The following PNISR variants were observed in gnomAD, a reference collection of about 807,000 sequenced individuals.
The protein encoded by PNISR is arginine/serine-rich protein PNISR.
A neutral mutation model predicts 93.4 loss-of-function variants in PNISR; 20 were observed. That is an observed-to-expected ratio of 0.21 (90% CI 0.15 to 0.31). The LOEUF (loss-of-function observed/expected upper bound fraction) is 0.31. Ranked by LOEUF, PNISR falls within the 10% of genes least tolerant of loss-of-function variation. The pLI, the probability that PNISR is intolerant of heterozygous loss-of-function variation, is 1.00. For missense variants in PNISR, 893 were observed against 985.4 expected, an observed-to-expected ratio of 0.91 and a Z score of 1.25; for synonymous variants, 305 against 306.5, an observed-to-expected ratio of 0.99 and a Z score of 0.05.
intron 1 of PNISR, among the ~76,000 whole-genome samples, chr6:99,424,410 T>TA (rs1779143290): frequency 7.2e-6 from 1 of 138,476 alleles, no homozygotes; most frequent in Admixed American, 7.2e-5. Context: ...TATTAGTAAG[T>TA]TAAAAAAAAA....
chr6:99,401,513 T>C lies in PNISR; in HGVS notation c.1445A>G (p.Lys482Arg). 6.2e-7 allele frequency: 1 copy of C among 1,613,232 alleles called. No individual in the cohort carries two copies. The highest frequency in any genetic ancestry group is 1.1e-5 in the South Asian group (1 of 90,928). ...READGDVVNE[K>R]KRTPNETTSV... is the part of the protein sequence containing the mutation. ...TGTGGTTTCATTTGGAGTTCTCTTC[T>C]TTTCATTAACCACATCACCGTCTGC... The change falls in exon 12 of 12, where the codon AAG becomes AGG. Residue 482 changes from lysine to arginine, a missense_variant. Around this residue, in one of 3 missense-constraint regions of PNISR, gnomAD observed 866 missense variants for 935.1 expected, o/e 0.93. Coordinates refer to ENST00000369239, the MANE Select transcript of PNISR (RefSeq NM_032870.4).
At chr6:99,401,660 A>G in intron 11 of PNISR, 30 bp from the exon 12 acceptor site, 1 of 1,478,766 alleles carries the variant, frequency 6.8e-7, no homozygotes, top group Non-Finnish European at 8.9e-7. Context: ...AAACACTAAG[A>G]AAATGTTCAT....
At chr6:99,403,978 G>T in intron 9 of PNISR, 96 bp from the exon 10 acceptor site, 1 of 781,370 alleles carries the variant, frequency 1.3e-6, no homozygotes, top group Non-Finnish European at 2.2e-6. Flanking sequence ...TACTACTATT[G>T]CTGCTTTTTG....
intron 1 of PNISR, among the ~76,000 whole-genome samples, chr6:99,422,914 A>G (rs1300232163): frequency 6.8e-6 from 1 of 146,658 alleles, no homozygotes; most frequent in Non-Finnish European, 1.5e-5. Context: ...AGAATTGGAG[A>G]GTCGGTTATA....
intron 1 of PNISR, among the ~76,000 whole-genome samples, chr6:99,416,766 A>T (rs985098338): frequency 5.3e-5 from 8 of 152,346 alleles, no homozygotes; most frequent in African/African-American, 1.7e-4. Flanking sequence ...TTATTAACTT[A>T]GATGATACAA....
chr6:99,406,603 C>G (rs779636652), intron 7 of PNISR, among the ~76,000 whole-genome samples: 4 of 152,184 alleles, frequency 2.6e-5, no homozygotes, highest in African/African-American at 9.6e-5. Context: ...TAAAGTTGCA[C>G]GACTTAAAAT....
chr6:99,419,152 C>CAAGAAAAA (rs1778163501), intron 1 of PNISR, among the ~76,000 whole-genome samples: 1 of 19,804 alleles, frequency 5.0e-5, no homozygotes, highest in Non-Finnish European at 9.6e-5. Flanking sequence ...GACTCCGTCT[C>CAAGAAAAA]AAAAAAAAAA....
At position 99,413,391 on chromosome 6, in the gene PNISR, T is replaced by C. The variant is rs539730634; in HGVS notation, c.89-652A>G. On this transcript the variant is annotated intron_variant, in intron 3 of 11. Transcript: ENST00000369239. ...TTTAATTTCTAAATTTTTACGTATC[T>C]ATCCATCCATCCATCCATCCATCCA... is the stretch of plus-strand genomic sequence containing the variant. Among the ~76,000 whole-genome samples the C allele has an allele frequency of 2.5e-3, 378 of 149,612 alleles. 2 individuals carry two copies. The highest frequency in any genetic ancestry group is 4.8e-3 in the Non-Finnish European group (325 of 67,392).
chr6:99,404,923 C>T (rs867160941), intron 8 of PNISR, among the ~76,000 whole-genome samples: 10 of 151,836 alleles, frequency 6.6e-5, no homozygotes, highest in Non-Finnish European at 1.0e-4. Context: ...GAACTACAGG[C>T]GTGCACCACC....
Position 99,414,707 on chromosome 6 carries a change from A to G in PNISR, c.-31-17T>C, listed in dbSNP as rs369367721. On this transcript the variant is annotated splice_polypyrimidine_tract_variant and intron_variant, in intron 2 of 11. Transcript: ENST00000369239. Reference sequence around the variant, plus strand: ...ATTTTCTATCTTCAATAAATTAAACATAGTTTAAAAATTATAGTGAGTTAT... The same window carrying G: ...ATTTTCTATCTTCAATAAATTAAACGTAGTTTAAAAATTATAGTGAGTTAT... 8.7e-7 allele frequency: 1 copy of G among 1,154,426 alleles called. No individual in the cohort carries two copies. The highest frequency in any genetic ancestry group is 1.6e-5 in the African/African-American group (1 of 63,632). The allele number at this position is 1,154,426 out of a possible 1,614,324, so 71.5% of individuals were successfully genotyped here. A position where few individuals can be genotyped will look rare whatever the true frequency, so the allele number is the denominator to read the frequency against.
rs754280481 is a variant in PNISR at position 99,408,236 on chromosome 6, G to A, written c.709C>T (p.Arg237Cys). 2.5e-6 allele frequency: 4 copies of A among 1,612,600 alleles called. No individual in the cohort carries two copies. Among genetic ancestry groups the A allele is most frequent in the African/African-American group, 1.3e-5 (1 of 74,722 alleles). ...CGTTCCATTTTTTCAAGACCTTCGC[G>A]AATCCAAGCGGGAAGAGTCCTGCGT... is the stretch of plus-strand genomic sequence containing the variant. ...VKRRTLPAWI[R>C]EGLEKMEREK... The change falls in exon 7 of 12, where the codon CGC (arginine) becomes TGC (cysteine). Residue 237 changes from arginine to cysteine, a missense_variant. Coordinates refer to ENST00000369239, the MANE Select transcript of PNISR (RefSeq NM_032870.4).
chr6:99,425,122 G>A, intron 1 of PNISR, 93 bp downstream of exon 1: 2 of 814,846 alleles, frequency 2.5e-6, no homozygotes, highest in Admixed American at 8.6e-5. Flanking sequence ...AGCGTACGCA[G>A]CCTATTTTAA....
chr6:99,422,046 TAGTAGGG>T (rs1778637839), intron 1 of PNISR, among the ~76,000 whole-genome samples: 2 of 152,078 alleles, frequency 1.3e-5, no homozygotes, highest in Admixed American at 1.3e-4. Context: ...TTGTATTTTT[TAGTAGGG>T]ATGGAGTTTC....
At chr6:99,402,758 C>A in intron 10 of PNISR, 48 bp from the exon 11 acceptor site, 3 of 1,378,822 alleles carry the variant, frequency 2.2e-6, no homozygotes, top group Non-Finnish European at 2.9e-6. Context: ...TTATACTATG[C>A]ACTAAAAACT....
intron 1 of PNISR, among the ~76,000 whole-genome samples, chr6:99,417,793 C>G (rs1027242863): frequency 7.3e-5 from 11 of 151,686 alleles, no homozygotes. Flanking sequence ...TGGTGAAACC[C>G]CCGTCTCTAC....
In PNISR at chr6:99,414,677, A is replaced by G; in HGVS notation, c.-18T>C. The G allele has an allele frequency of 6.6e-7, 1 of 1,523,930 alleles. No homozygotes were observed. The highest frequency in any genetic ancestry group is 9.0e-7 in the Non-Finnish European group (1 of 1,110,678). 94.4% of individuals were successfully genotyped at this position (1,523,930 alleles called of 1,614,324 possible). On this transcript the variant is annotated 5_prime_UTR_variant, in exon 3 of 12. Transcript: ENST00000369239. ...TCCCACATCCCTTCTTTTAAAATAT[A>G]CTTGATTTTCTATCTTCAATAAATT... is the stretch of plus-strand genomic sequence containing the variant.
At position 99,416,379 on chromosome 6, in the gene PNISR, G is replaced by T; in HGVS notation, c.-62C>A. On this transcript the variant is annotated 5_prime_UTR_variant, in exon 2 of 12. Transcript: ENST00000369239. ...AGGTTCACCTTCTGTTTAAAACTTA[G>T]GTTGATTCAGACTACAGCTTCGAAG... The T allele has an allele frequency of 8.2e-7, 1 of 1,219,106 alleles. No homozygotes were observed. The highest frequency in any genetic ancestry group is 1.0e-6 in the Non-Finnish European group (1 of 976,622). The allele number at this position is 1,219,106 out of a possible 1,614,324, so 75.5% of individuals were successfully genotyped here.
chr6:99,420,869 C>T (rs925517164), intron 1 of PNISR, among the ~76,000 whole-genome samples: 37 of 152,188 alleles, frequency 2.4e-4, no homozygotes, highest in African/African-American at 8.7e-4. Flanking sequence ...TGTCTTGGCT[C>T]AAACAAAAAT....
At chr6:99,406,698 TAA>T (rs1562236295) in intron 7 of PNISR, among the ~76,000 whole-genome samples, 1 of 152,138 alleles carries the variant, frequency 6.6e-6, no homozygotes, top group South Asian at 2.1e-4. Context: ...TAGCTCATAA[TAA>T]AAAGATAAAA....
Sources: gnomAD v4.1 joint callset for allele counts (sites outside exome capture counted in the v4.1 genomes callset) on GRCh38, gnomAD v4.1.1 for gene constraint, gnomAD v4.1.1 regional missense constraint, MANE v1.5 for transcripts, NCBI Gene and HGNC (gene_info 2026-07-23, HGNC 2026-07-21) for gene names.